DPP6: variants seen among roughly 807,000 people sequenced by gnomAD.
DPP6 encodes the protein dipeptidyl peptidase like 6.
A neutral mutation model predicts 122.6 loss-of-function variants in DPP6; 69 were observed. That is an observed-to-expected ratio of 0.56 (90% CI 0.46 to 0.69). The LOEUF is 0.69. Among genes scored for constraint, DPP6 ranks in the 30% least tolerant of loss-of-function variants. The pLI is 0.00. For missense variants in DPP6, 928 were observed against 1,116.9 expected (o/e 0.83, Z 2.41); for synonymous variants, 418 against 433.1 (o/e 0.97, Z 0.43).
chr7:154,467,221 T>G (rs1436114492), intron 2 of DPP6, among the ~76,000 whole-genome samples: 1 of 152,184 alleles, frequency 6.6e-6, no homozygotes, highest in Non-Finnish European at 1.5e-5. Context: ...AGCTTGAGAT[T>G]GTAGCTGAGT....
chr7:154,845,666 A>G (rs943237710), intron 16 of DPP6, among the ~76,000 whole-genome samples: 3 of 151,876 alleles, frequency 2.0e-5, no homozygotes, highest in Non-Finnish European at 4.4e-5. Context: ...GTATAATAAT[A>G]AAAAAGAAAG....
rs979116440 is a variant in DPP6, at chr7:154,305,370, C to T, written c.244-140844C>T. 4 of 703,070 alleles carry T rather than the reference C, an allele frequency of 5.7e-6. No individual in the cohort carries two copies. The African/African-American group carries it at 9.5e-5, about 17-fold the overall frequency. The allele number at this position is 703,070 out of a possible 1,614,324, so 43.6% of individuals were successfully genotyped here. On this transcript the variant is annotated intron_variant, in intron 1 of 25. Coordinates refer to ENST00000377770, the MANE Select transcript of DPP6 (RefSeq NM_130797.4). ...CCCTCCCCCATCCTCCCCAAAATAG[C>T]CTTGTGATTTCGGAAGTATGGACTA...
intron 1 of DPP6, among the ~76,000 whole-genome samples, chr7:154,427,993 G>T (rs946463026): frequency 6.6e-6 from 1 of 152,104 alleles, no homozygotes; most frequent in South Asian, 2.1e-4. Flanking sequence ...CTAAATTATC[G>T]TCATTTTGAG....
chr7:154,426,407 A>G (rs1478933323), intron 1 of DPP6, among the ~76,000 whole-genome samples: 1 of 152,190 alleles, frequency 6.6e-6, no homozygotes, highest in Non-Finnish European at 1.5e-5. Context: ...AATACAAATA[A>G]TCATGTGGGA....
intron 1 of DPP6, among the ~76,000 whole-genome samples, chr7:154,384,796 A>T (rs1813942618): frequency 6.8e-6 from 1 of 147,348 alleles, no homozygotes; most frequent in South Asian, 2.1e-4. Context: ...TTCTCACAAT[A>T]GCAAAAGTTT....
intron 16 of DPP6, among the ~76,000 whole-genome samples, chr7:154,850,917 A>G (rs1274295405): frequency 6.6e-6 from 1 of 152,238 alleles, no homozygotes; most frequent in Non-Finnish European, 1.5e-5. Context: ...AAATAGAGCA[A>G]TACGGTGTGT....
chr7:154,219,643 G>GCC (rs1318374424), intron 1 of DPP6, among the ~76,000 whole-genome samples: 2 of 151,928 alleles, frequency 1.3e-5, no homozygotes, highest in African/African-American at 4.8e-5. Context: ...CTGGTGTGCA[G>GCC]TGGCATGATC....
At chr7:154,431,351 C>T (rs565008991) in intron 1 of DPP6, among the ~76,000 whole-genome samples, 3 of 152,256 alleles carry the variant, frequency 2.0e-5, no homozygotes, top group East Asian at 1.9e-4. Flanking sequence ...AAAAGGCAGG[C>T]GGACAGTGGA....
chr7:153,869,395 A>T, the DPP6 span, among the ~76,000 whole-genome samples: 3 of 152,094 alleles, frequency 2.0e-5, no homozygotes, highest in East Asian at 5.8e-4. Context: ...TAATCCCCTC[A>T]CCATTATGTA....
chr7:154,520,496 T>C (rs941930958), intron 3 of DPP6, among the ~76,000 whole-genome samples: 1 of 152,236 alleles, frequency 6.6e-6, no homozygotes, highest in African/African-American at 2.4e-5. Context: ...AATTTCCAGA[T>C]TTTTGGACCA....
intron 3 of DPP6, among the ~76,000 whole-genome samples, chr7:154,519,882 G>A (rs753380205): frequency 2.2e-4 from 34 of 152,146 alleles, no homozygotes; most frequent in African/African-American, 6.8e-4. Flanking sequence ...TCTGAGTGCC[G>A]CTGGGGGAGG....
intron 1 of DPP6, among the ~76,000 whole-genome samples, chr7:154,358,231 G>A (rs1811438023): frequency 6.6e-6 from 1 of 152,184 alleles, no homozygotes. Context: ...GCTCAGCCGT[G>A]CAGCCTAGGT....
intron 3 of DPP6, among the ~76,000 whole-genome samples, chr7:154,496,724 G>A (rs1273399378): frequency 1.3e-5 from 2 of 152,196 alleles, no homozygotes; most frequent in African/African-American, 2.4e-5. Context: ...CAGACCTAAC[G>A]CCTGTGCTTG....
the DPP6 span, among the ~76,000 whole-genome samples, chr7:153,832,827 A>G: frequency 2.0e-5 from 3 of 152,220 alleles, no homozygotes; most frequent in Non-Finnish European, 4.4e-5. Context: ...ATTTCAATCT[A>G]TAGTCTCTTT....
intron 6 of DPP6, among the ~76,000 whole-genome samples, chr7:154,666,346 G>A (rs772480461): frequency 2.1e-5 from 3 of 145,534 alleles, no homozygotes; most frequent in Non-Finnish European, 3.0e-5. Flanking sequence ...TGTATTGGGG[G>A]GGTATAGTTT....
chr7:153,885,980 C>T (rs1168536626), upstream of DPP6, among the ~76,000 whole-genome samples: 1 of 152,126 alleles, frequency 6.6e-6, no homozygotes, highest in Non-Finnish European at 1.5e-5. Flanking sequence ...TCTTCATGAG[C>T]TCGAAAGTGA....
intron 1 of DPP6, among the ~76,000 whole-genome samples, chr7:154,107,618 A>G (rs1447297571): frequency 5.9e-5 from 9 of 152,242 alleles, no homozygotes; most frequent in Admixed American, 5.2e-4. Context: ...ATATATGTTA[A>G]CTAGCTTGAT....
intron 3 of DPP6, among the ~76,000 whole-genome samples, chr7:154,489,534 A>T (rs763570375): frequency 1.3e-5 from 2 of 152,146 alleles, no homozygotes; most frequent in Non-Finnish European, 2.9e-5. Context: ...GGATATTGTG[A>T]TGCTGAGCAG....
intron 1 of DPP6, among the ~76,000 whole-genome samples, chr7:154,156,532 C>T (rs1433091465): frequency 1.3e-5 from 2 of 152,210 alleles, no homozygotes; most frequent in African/African-American, 4.8e-5. Flanking sequence ...AGCTGGCCCT[C>T]TTTGGTAAGA....
Sources: gnomAD v4.1 joint callset for allele counts (sites outside exome capture counted in the v4.1 genomes callset) on GRCh38, gnomAD v4.1.1 for gene constraint, MANE v1.5 for transcripts, NCBI Gene and HGNC (gene_info 2026-07-23, HGNC 2026-07-21) for gene names.